TECPR2: variants seen among roughly 807,000 people sequenced by gnomAD.
The protein encoded by TECPR2 is tectonin beta-propeller repeat-containing protein 2.
In TECPR2, 65 loss-of-function variants were observed where a neutral mutation model predicts 138.1. The ratio of observed to expected loss-of-function variants is 0.47; its 90% CI spans 0.39 to 0.58. The LOEUF (loss-of-function observed/expected upper bound fraction) is 0.58, where lower values mean the gene tolerates loss of function less well. Among genes scored for constraint, TECPR2 ranks in the 20% least tolerant of loss-of-function variants. The probability of loss-of-function intolerance (pLI) is 0.00; values close to 1 mark genes in which losing one functional copy is unlikely to be tolerated. For missense variants in TECPR2, 1,553 were observed against 1,824.5 expected (o/e 0.85, Z 2.71); for synonymous variants, 746 against 749.8 (o/e 0.99, Z 0.08).
At chr14:102,487,865 G>C (rs546930994) in intron 17 of TECPR2, among the ~76,000 whole-genome samples, 12 of 138,404 alleles carry the variant, frequency 8.7e-5, no homozygotes, top group South Asian at 2.3e-4. Context: ...TTTTGATACG[G>C]AGTTTCACTC....
intron 4 of TECPR2, among the ~76,000 whole-genome samples, chr14:102,410,490 A>AAAG (rs1595109228): frequency 1.4e-5 from 1 of 69,948 alleles, no homozygotes. Context: ...AATAAAAAAT[A>AAAG]AAAAATAAAA....
At chr14:102,365,620 A>G (rs958873567) in intron 1 of TECPR2, among the ~76,000 whole-genome samples, 2 of 152,368 alleles carry the variant, frequency 1.3e-5, no homozygotes, top group Admixed American at 1.3e-4. Flanking sequence ...AACCAGACAC[A>G]AAATACCACA....
chr14:102,437,287 C>T (rs1889692958), intron 9 of TECPR2: 1 of 813,164 alleles, frequency 1.2e-6, no homozygotes, highest in Non-Finnish European at 1.5e-6. Context: ...TGGCTCACGC[C>T]TGTAATCCCA....
chr14:102,377,892 C>T (rs1428131043), intron 2 of TECPR2, among the ~76,000 whole-genome samples: 1 of 152,170 alleles, frequency 6.6e-6, no homozygotes, highest in East Asian at 1.9e-4. Flanking sequence ...TGAATATTGG[C>T]TCATTGCCAG....
chr14:102,421,316 G>T (rs557841903), intron 5 of TECPR2, among the ~76,000 whole-genome samples: 1 of 152,218 alleles, frequency 6.6e-6, no homozygotes, highest in African/African-American at 2.4e-5. Flanking sequence ...AATCAGATAC[G>T]ATGCTGTTGA....
chr14:102,386,356 G>A (rs1007231635), intron 2 of TECPR2, among the ~76,000 whole-genome samples: 16 of 152,190 alleles, frequency 1.1e-4, no homozygotes, highest in African/African-American at 3.6e-4. Flanking sequence ...TGTAATCCCA[G>A]CTACTCAGGA....
chr14:102,474,839 C>G (rs1377460483), intron 17 of TECPR2, among the ~76,000 whole-genome samples: 1 of 152,122 alleles, frequency 6.6e-6, no homozygotes, highest in African/African-American at 2.4e-5. Context: ...AGGTTGTCCC[C>G]CCTTCCCCCT....
intron 5 of TECPR2, among the ~76,000 whole-genome samples, chr14:102,423,421 G>C (rs1889236309): frequency 6.7e-6 from 1 of 149,928 alleles, no homozygotes; most frequent in Non-Finnish European, 1.5e-5. Flanking sequence ...TGGACAACAA[G>C]AGCAAAACTC....
At chr14:102,398,915 G>A (rs953239663) in intron 2 of TECPR2, among the ~76,000 whole-genome samples, 7 of 151,870 alleles carry the variant, frequency 4.6e-5, no homozygotes, top group Non-Finnish European at 1.0e-4. Flanking sequence ...GGAGAGAAAT[G>A]CCTCCTCATA....
chr14:102,457,639 A>G (rs1399401205), intron 16 of TECPR2, among the ~76,000 whole-genome samples: 1 of 152,088 alleles, frequency 6.6e-6, no homozygotes, highest in Non-Finnish European at 1.5e-5. Flanking sequence ...TTACACCTGT[A>G]ATCCTAGCAC....
In TECPR2 at chr14:102,400,903, G is replaced by A. The variant is rs139487011; in HGVS notation, c.220-6435G>A. On this transcript the variant is annotated intron_variant, in intron 2 of 19. Coordinates refer to ENST00000359520, the MANE Select transcript of TECPR2 (RefSeq NM_014844.5). ...AGAAAAATTAGCCAGGCATGGTGGCGGGGACCTGTAATCCCAGCCACCCGG... is the reference window on the plus strand; with the variant it reads ...AGAAAAATTAGCCAGGCATGGTGGCAGGGACCTGTAATCCCAGCCACCCGG... Among the ~76,000 whole-genome samples the A allele has an allele frequency of 5.9e-3, 897 of 151,980 alleles. 9 individuals carry two copies. The highest frequency in any genetic ancestry group is 0.021 in the African/African-American group (851 of 41,446).
At chr14:102,493,888 G>C (rs1298307522) in intron 17 of TECPR2, among the ~76,000 whole-genome samples, 1 of 152,232 alleles carries the variant, frequency 6.6e-6, no homozygotes, top group Non-Finnish European at 1.5e-5. Context: ...TGGGACCGCT[G>C]TCCAGGGTGG....
At chr14:102,449,563 C>T (rs1890082253) in intron 13 of TECPR2, 66 bp from the exon 14 acceptor site, 1 of 1,594,600 alleles carries the variant, frequency 6.3e-7, no homozygotes, top group South Asian at 1.1e-5. Context: ...AACCTTCCCT[C>T]AAGGCAGAGA....
chr14:102,482,467 C>T (rs149129818), intron 17 of TECPR2, among the ~76,000 whole-genome samples: 1 of 152,348 alleles, frequency 6.6e-6, no homozygotes, highest in African/African-American at 2.4e-5. Flanking sequence ...GCAGAGATCT[C>T]TCCTGCACCC....
intron 8 of TECPR2, among the ~76,000 whole-genome samples, chr14:102,432,430 TA>T (rs1336882149): frequency 6.6e-6 from 1 of 152,130 alleles, no homozygotes; most frequent in East Asian, 1.9e-4. Flanking sequence ...ATTATTTATT[TA>T]TTTTTTGCGA....
intron 1 of TECPR2, among the ~76,000 whole-genome samples, chr14:102,369,785 A>AT (rs1491428760): frequency 7.1e-6 from 1 of 140,016 alleles, no homozygotes; most frequent in Non-Finnish European, 1.6e-5. Flanking sequence ...ACTAAAAAAA[A>AT]CAAAAAAACA....
chr14:102,367,157 T>C (rs1489830652), intron 1 of TECPR2, among the ~76,000 whole-genome samples: 1 of 152,206 alleles, frequency 6.6e-6, no homozygotes, highest in East Asian at 1.9e-4. Flanking sequence ...CTTAGAGCAC[T>C]GGGCAACCAG....
chr14:102,497,355 CT>C (rs145758696), intron 18 of TECPR2, among the ~76,000 whole-genome samples: 4,345 of 152,350 alleles, frequency 0.029, 80 homozygotes, highest in Middle Eastern at 0.092. Flanking sequence ...TGCCCAGGCC[CT>C]TCTGTCCTTT....
At position 102,382,368 on chromosome 14, in the gene TECPR2, G is replaced by A. The variant is rs779492335; in HGVS notation, c.219+5428G>A. Among the ~76,000 whole-genome samples, 106 of 152,048 alleles carry A rather than the reference G, an allele frequency of 7.0e-4. 1 individual carries two copies. Among genetic ancestry groups the A allele is most frequent in the Non-Finnish European group, 2.4e-4 (16 of 68,022 alleles). On this transcript the variant is annotated intron_variant, in intron 2 of 19. Coordinates refer to ENST00000359520, the MANE Select transcript of TECPR2 (RefSeq NM_014844.5). ...TTCTTCTGTGCAAAGAAATAACCAG[G>A]GGTAAAAAAGACATTACATAATAAC... is the stretch of plus-strand genomic sequence containing the variant.
Sources: gnomAD v4.1 joint callset for allele counts (sites outside exome capture counted in the v4.1 genomes callset) on GRCh38, gnomAD v4.1.1 for gene constraint, MANE v1.5 for transcripts, NCBI Gene and HGNC (gene_info 2026-07-23, HGNC 2026-07-21) for gene names.